The following ITPR2 variants were observed in gnomAD, a reference collection of about 807,000 sequenced individuals.
ITPR2 encodes inositol 1,4,5-trisphosphate-gated calcium channel ITPR2.
ITPR2 carries 207 observed loss-of-function variants against 317.1 expected under a neutral mutation model. The observed-to-expected ratio is 0.65, with a 90% CI of 0.58 to 0.73. The LOEUF is 0.73. ITPR2 is among the 30% of genes least tolerant of loss of function. ITPR2 has a pLI of 0.00. For missense variants in ITPR2, 2,613 were observed against 3,284.0 expected (o/e 0.80, Z 4.99); for synonymous variants, 1,156 against 1,149.1 (o/e 1.01, Z -0.12).
intron 37 of ITPR2, among the ~76,000 whole-genome samples, chr12:26,522,755 T>C (rs538627190): frequency 6.6e-6 from 1 of 152,102 alleles, no homozygotes; most frequent in South Asian, 2.1e-4. Flanking sequence ...TCTACTCACA[T>C]CAAAATCAGG....
intron 30 of ITPR2, among the ~76,000 whole-genome samples, chr12:26,597,561 C>G (rs968924119): frequency 3.9e-5 from 6 of 152,170 alleles, no homozygotes; most frequent in African/African-American, 7.2e-5. Context: ...GAAGCAAGTA[C>G]ATTGAGCTAA....
chr12:26,710,569 CTT>C (rs936619170), intron 9 of ITPR2, among the ~76,000 whole-genome samples: 4 of 152,202 alleles, frequency 2.6e-5, no homozygotes, highest in African/African-American at 9.6e-5. Flanking sequence ...GATAACCAAA[CTT>C]TAATTAAAAC....
intron 36 of ITPR2, among the ~76,000 whole-genome samples, chr12:26,554,048 C>T (rs1383028920): frequency 6.6e-6 from 1 of 152,198 alleles, no homozygotes; most frequent in African/African-American, 2.4e-5. Context: ...TATCACATCA[C>T]TTCTGCTTCT....
At position 26,639,308 on chromosome 12, in the gene ITPR2, C is replaced by T. The variant is rs1357036184; in HGVS notation, c.2741-7249G>A. 2.0e-5 allele frequency among the ~76,000 whole-genome samples: 3 copies of T among 152,108 alleles called. No homozygotes were observed. The East Asian group carries it at 5.8e-4, about 29-fold the overall frequency. ...AACAAAAAAGACCTAATAATTAGAG[C>T]TATGAAAAATAAGAAAGGCCTACCC... On this transcript the variant is annotated intron_variant, in intron 21 of 56. Transcript: ENST00000381340.
intron 49 of ITPR2, chr12:26,421,295 G>T (rs1487134792): frequency 6.6e-6 from 1 of 152,102 alleles, no homozygotes. Flanking sequence ...TTTGAACCTT[G>T]ATCTAGAGCT....
chr12:26,636,623 T>C (rs1946872422), intron 21 of ITPR2, among the ~76,000 whole-genome samples: 1 of 152,114 alleles, frequency 6.6e-6, no homozygotes, highest in Non-Finnish European at 1.5e-5. Flanking sequence ...TACTTCTCCC[T>C]TTTTTCAAAA....
chr12:26,708,286 T>C (rs189578128), intron 9 of ITPR2, among the ~76,000 whole-genome samples: 4 of 152,226 alleles, frequency 2.6e-5, no homozygotes, highest in African/African-American at 9.6e-5. Context: ...ATGGAAGAGG[T>C]ACCTGCATTC....
chr12:26,430,076 CAA>C (rs1941164690), intron 48 of ITPR2, among the ~76,000 whole-genome samples: 1 of 152,180 alleles, frequency 6.6e-6, no homozygotes, highest in South Asian at 2.1e-4. Flanking sequence ...GAAAAGAACT[CAA>C]AGAGTGTCTA....
At chr12:26,814,095 T>A (rs1280286103) in intron 1 of ITPR2, among the ~76,000 whole-genome samples, 1 of 152,176 alleles carries the variant, frequency 6.6e-6, no homozygotes. Flanking sequence ...ATAGTGTTTT[T>A]TTCTGGAGTT....
intron 37 of ITPR2, among the ~76,000 whole-genome samples, chr12:26,519,891 T>C (rs1367296811): frequency 1.3e-5 from 2 of 152,196 alleles, no homozygotes; most frequent in Non-Finnish European, 2.9e-5. Context: ...TGTGAAATAG[T>C]GGTATGATAA....
chr12:26,350,103 G>A (rs1029727813), intron 55 of ITPR2, among the ~76,000 whole-genome samples: 18 of 152,078 alleles, frequency 1.2e-4, no homozygotes, highest in Admixed American at 2.6e-4. Flanking sequence ...ATGGTCCTGC[G>A]GGCTCTAAGC....
chr12:26,782,019 TATATATATATATATGTATAG>T (rs1446052749), intron 2 of ITPR2, among the ~76,000 whole-genome samples: 52 of 36,362 alleles, frequency 1.4e-3, no homozygotes, highest in Middle Eastern at 8.2e-3. Flanking sequence ...TATATATATA[TATATATATATATATGTATAG>T]AGAGAGAGAG....
intron 2 of ITPR2, among the ~76,000 whole-genome samples, chr12:26,726,381 T>C (rs951065859): frequency 6.6e-6 from 1 of 152,214 alleles, no homozygotes; most frequent in Non-Finnish European, 1.5e-5. Context: ...ATATTATAGT[T>C]GTGATATCTC....
rs1349172124 is a variant in ITPR2, at chr12:26,412,480, G to T, written c.7307-1068C>A. Among the ~76,000 whole-genome samples the T allele has an allele frequency of 2.6e-5, 4 of 152,286 alleles. No homozygotes were observed. The East Asian group carries it at 5.8e-4, about 22-fold the overall frequency. Reference sequence around the variant, plus strand: ...AAGTGAGAGAAGAGTGTGCCCTGTGGCCATTCCCTTACTTAATACTTACTG... The same window carrying T: ...AAGTGAGAGAAGAGTGTGCCCTGTGTCCATTCCCTTACTTAATACTTACTG... On this transcript the variant is annotated intron_variant, in intron 51 of 56. Transcript: ENST00000381340.
chr12:26,499,553 T>C (rs1943025711), intron 37 of ITPR2, among the ~76,000 whole-genome samples: 1 of 152,160 alleles, frequency 6.6e-6, no homozygotes, highest in Non-Finnish European at 1.5e-5. Context: ...ATAGTTAAAA[T>C]TTACTGAAAG....
chr12:26,348,358 T>C (rs1938371245), intron 55 of ITPR2, among the ~76,000 whole-genome samples: 1 of 152,218 alleles, frequency 6.6e-6, no homozygotes, highest in South Asian at 2.1e-4. Flanking sequence ...GCGTGTCTCA[T>C]GTACCCCAGC....
chr12:26,617,327 G>A (rs1334083747), intron 26 of ITPR2, among the ~76,000 whole-genome samples: 1 of 152,158 alleles, frequency 6.6e-6, no homozygotes, highest in Admixed American at 6.5e-5. Context: ...TAAATTCGAA[G>A]ATTTCAATAT....
chr12:26,435,970 A>G (rs183122781), intron 48 of ITPR2, among the ~76,000 whole-genome samples: 109 of 152,326 alleles, frequency 7.2e-4, no homozygotes, highest in African/African-American at 2.5e-3. Flanking sequence ...GGTAGAAATG[A>G]CAAATCTTTT....
intron 45 of ITPR2, among the ~76,000 whole-genome samples, chr12:26,468,445 C>T (rs538496932): frequency 3.1e-4 from 47 of 151,872 alleles, no homozygotes; most frequent in Non-Finnish European, 5.0e-4. Context: ...GTCTATTAAT[C>T]TTACATAGTG....
Sources: gnomAD v4.1 joint callset for allele counts (sites outside exome capture counted in the v4.1 genomes callset) on GRCh38, gnomAD v4.1.1 for gene constraint, MANE v1.5 for transcripts, NCBI Gene and HGNC (gene_info 2026-07-23, HGNC 2026-07-21) for gene names.